Variants in FTO observed in about 807,000 individuals in gnomAD.
FTO encodes the protein alpha-ketoglutarate-dependent dioxygenase FTO.
A neutral mutation model predicts 63.9 loss-of-function variants in FTO; 47 were observed. The observed-to-expected ratio is 0.74, with a 90% CI of 0.58 to 0.94. The LOEUF is 0.94. FTO is among the 40% of genes least tolerant of loss of function. FTO has a pLI of 0.00. For missense variants in FTO, 562 were observed against 618.1 expected (o/e 0.91, Z 0.96); for synonymous variants, 207 against 224.4 (o/e 0.92, Z 0.69).
At chr16:53,804,028 A>G (rs375488568) in intron 1 of FTO, among the ~76,000 whole-genome samples, 36 of 152,346 alleles carry the variant, frequency 2.4e-4, no homozygotes, top group African/African-American at 8.2e-4. Flanking sequence ...AGTAAATAAC[A>G]ACAACGAATG....
intron 1 of FTO, among the ~76,000 whole-genome samples, chr16:53,758,909 TA>T (rs11354436): frequency 0.38 from 58,205 of 151,868 alleles, 11,966 homozygotes; most frequent in Middle Eastern, 0.48. Flanking sequence ...CTTATACATT[TA>T]AAAAAAAGTT....
chr16:53,900,608 CTTTTTTTTTTTTTTT>C (rs752080961), intron 7 of FTO, among the ~76,000 whole-genome samples: 3 of 67,160 alleles, frequency 4.5e-5, no homozygotes, highest in Non-Finnish European at 7.8e-5. Context: ...TCATCTGCTC[CTTTTTTTTTTTTTTT>C]TTTTTTTTTT....
intron 8 of FTO, among the ~76,000 whole-genome samples, chr16:54,010,602 A>G (rs1459730552): frequency 6.6e-6 from 1 of 152,118 alleles, no homozygotes; most frequent in Non-Finnish European, 1.5e-5. Context: ...ATTGACATCA[A>G]CGTTTTTACC....
chr16:54,079,316 G>C (rs2086083064), intron 8 of FTO, among the ~76,000 whole-genome samples: 1 of 152,170 alleles, frequency 6.6e-6, no homozygotes. Context: ...AATGAAGCTT[G>C]ATTCTGAGCT....
At chr16:53,790,763 A>T (rs1212535082) in intron 1 of FTO, among the ~76,000 whole-genome samples, 2 of 152,162 alleles carry the variant, frequency 1.3e-5, no homozygotes, top group Non-Finnish European at 2.9e-5. Flanking sequence ...AGTTATCGGT[A>T]ATGAACTCAT....
At chr16:53,746,698 G>C (rs2076659176) in intron 1 of FTO, among the ~76,000 whole-genome samples, 1 of 152,024 alleles carries the variant, frequency 6.6e-6, no homozygotes, top group African/African-American at 2.4e-5. Flanking sequence ...TTTGTGGTTA[G>C]AACATTTTAA....
At chr16:53,825,107 T>C (rs150172847) in intron 2 of FTO, among the ~76,000 whole-genome samples, 2 of 152,354 alleles carry the variant, frequency 1.3e-5, no homozygotes, top group East Asian at 3.9e-4. Flanking sequence ...TTCATTCCTT[T>C]ACCATTTACT....
chr16:54,005,220 T>C (rs2084173343), intron 8 of FTO, among the ~76,000 whole-genome samples: 1 of 148,450 alleles, frequency 6.7e-6, no homozygotes, highest in African/African-American at 2.4e-5. Flanking sequence ...TAGTGGCCTT[T>C]ATAGGACTTG....
chr16:53,794,556 G>A (rs370038833), intron 1 of FTO, among the ~76,000 whole-genome samples: 2 of 152,198 alleles, frequency 1.3e-5, no homozygotes, highest in African/African-American at 4.8e-5. Context: ...GCCAGGGGCA[G>A]GGATGAAGTT....
chr16:53,781,527 G>A (rs2077589082), intron 1 of FTO, among the ~76,000 whole-genome samples: 1 of 152,146 alleles, frequency 6.6e-6, no homozygotes, highest in Admixed American at 6.5e-5. Context: ...GAGATGTGTA[G>A]GGTAGTGACC....
intron 7 of FTO, among the ~76,000 whole-genome samples, chr16:53,917,713 T>A (rs958140325): frequency 3.8e-5 from 5 of 132,686 alleles, no homozygotes; most frequent in Non-Finnish European, 7.8e-5. Context: ...TGAGTGAGTG[T>A]GTGTGTGTGT....
intron 8 of FTO, among the ~76,000 whole-genome samples, chr16:54,044,813 G>A (rs1397740473): frequency 2.4e-5 from 2 of 82,340 alleles, no homozygotes; most frequent in Admixed American, 2.6e-4. Context: ...CTCACTCAAA[G>A]CCGCTCAACT....
intron 8 of FTO, among the ~76,000 whole-genome samples, chr16:54,100,572 C>G (rs1347590472): frequency 6.6e-6 from 1 of 152,112 alleles, no homozygotes; most frequent in African/African-American, 2.4e-5. Context: ...CCAGGCTGGT[C>G]TTGAACTCCT....
chr16:53,723,489 G>A lies in FTO; in HGVS notation c.45+19260G>A, dbSNP rs114380289. 7.2e-4 allele frequency among the ~76,000 whole-genome samples: 109 copies of A among 152,188 alleles called. 1 individual carries two copies. Among genetic ancestry groups the A allele is most frequent in the East Asian group, 6.0e-3 (31 of 5,176 alleles). On this transcript the variant is annotated intron_variant, in intron 1 of 8. Coordinates refer to ENST00000471389, the MANE Select transcript of FTO (RefSeq NM_001080432.3). ...AGGAGGAAAACGGGTCACCTGGTTG[G>A]GTCAGCTCATACTTCTAATGATCTC...
chr16:53,757,676 C>T (rs1459953836), intron 1 of FTO, among the ~76,000 whole-genome samples: 4 of 152,156 alleles, frequency 2.6e-5, no homozygotes, highest in Non-Finnish European at 5.9e-5. Flanking sequence ...TCCATCTTTA[C>T]ACCTCTAAAG....
chr16:54,062,213 C>A (rs1268515223), intron 8 of FTO, among the ~76,000 whole-genome samples: 2 of 152,202 alleles, frequency 1.3e-5, no homozygotes, highest in Non-Finnish European at 2.9e-5. Flanking sequence ...AACCCAAAGT[C>A]CCCTTGAAAT....
At chr16:53,935,144 G>A (rs1290419665) in intron 8 of FTO, among the ~76,000 whole-genome samples, 1 of 152,170 alleles carries the variant, frequency 6.6e-6, no homozygotes, top group South Asian at 2.1e-4. Context: ...ATTGTCATCC[G>A]TCTCTAAGCC....
intron 7 of FTO, among the ~76,000 whole-genome samples, chr16:53,924,371 T>C (rs2082087024): frequency 6.6e-6 from 1 of 152,182 alleles, no homozygotes; most frequent in South Asian, 2.1e-4. Flanking sequence ...TAGTACATGA[T>C]GGAAAAACAC....
At chr16:53,778,702 G>A (rs8057044) in intron 1 of FTO, among the ~76,000 whole-genome samples, 81,215 of 151,822 alleles carry the variant, frequency 0.53, 22,972 homozygotes, top group African/African-American at 0.72. Context: ...GAGGCAACCT[G>A]GAGGAGAAAA....
Sources: allele counts gnomAD v4.1 joint callset (sites outside exome capture counted in the v4.1 genomes callset), GRCh38; gene constraint gnomAD v4.1.1; transcripts MANE v1.5; gene names NCBI Gene and HGNC (gene_info 2026-07-23, HGNC 2026-07-21).